ARHGAP15: variants seen among roughly 807,000 people sequenced by gnomAD.
The protein encoded by ARHGAP15 is Rho GTPase activating protein 15, also known as rho GTPase-activating protein 15.
A neutral mutation model predicts 63.7 loss-of-function variants in ARHGAP15; 51 were observed. That is an observed-to-expected ratio of 0.80 (90% CI 0.64 to 1.01). The LOEUF is 1.01. Among genes scored for constraint, ARHGAP15 ranks in the 50% least tolerant of loss-of-function variants. The pLI is 0.00. For synonymous variants in ARHGAP15, 191 were observed against 193.8 expected (o/e 0.99, Z 0.12); for missense variants, 560 against 564.6 (o/e 0.99, Z 0.08).
chr2:143,530,417 C>T (rs1694471859), intron 10 of ARHGAP15, among the ~76,000 whole-genome samples: 1 of 152,132 alleles, frequency 6.6e-6, no homozygotes, highest in Non-Finnish European at 1.5e-5. Context: ...AGAAACCAGT[C>T]TCTCAACAAA....
chr2:143,224,211 C>T (rs1295517753), intron 4 of ARHGAP15, among the ~76,000 whole-genome samples: 2 of 152,074 alleles, frequency 1.3e-5, no homozygotes, highest in African/African-American at 4.8e-5. Context: ...AAAAAATATC[C>T]TATATCAGAA....
intron 6 of ARHGAP15, among the ~76,000 whole-genome samples, chr2:143,277,358 A>G (rs1681610759): frequency 1.3e-5 from 2 of 152,110 alleles, no homozygotes; most frequent in African/African-American, 4.8e-5. Flanking sequence ...AAGGAATATG[A>G]GAAGGACAGA....
chr2:143,620,376 A>C (rs1337221211), intron 11 of ARHGAP15, among the ~76,000 whole-genome samples: 1 of 152,012 alleles, frequency 6.6e-6, no homozygotes, highest in Non-Finnish European at 1.5e-5. Context: ...TCTTATTACC[A>C]ATTTGTTTTG....
intron 12 of ARHGAP15, among the ~76,000 whole-genome samples, chr2:143,670,763 C>A (rs1340361435): frequency 6.6e-6 from 1 of 152,158 alleles, no homozygotes; most frequent in African/African-American, 2.4e-5. Flanking sequence ...GTTAAATTTA[C>A]AGGAAAACTG....
chr2:143,330,796 T>A (rs2105257415), intron 6 of ARHGAP15, among the ~76,000 whole-genome samples: 1 of 152,310 alleles, frequency 6.6e-6, no homozygotes, highest in African/African-American at 2.4e-5. Flanking sequence ...TTGGTAACTG[T>A]CAATGTCCCC....
rs567313971 is a variant in ARHGAP15 at position 143,362,711 on chromosome 2, A to C, written c.475-72890A>C. ...CTCTCTTGTTATTTCCTACCATAAT[A>C]AATGAACTACTCTAACTACTTGGTT... On this transcript the variant is annotated intron_variant, in intron 6 of 13. Transcript: ENST00000295095. Among the ~76,000 whole-genome samples, 20 of 152,322 alleles carry C rather than the reference A, an allele frequency of 1.3e-4. No individual in the cohort carries two copies. In the East Asian group the frequency reaches 3.9e-3, roughly 29 times the overall value.
intron 12 of ARHGAP15, among the ~76,000 whole-genome samples, chr2:143,672,774 A>G (rs1559118069): frequency 6.6e-6 from 1 of 152,186 alleles, no homozygotes; most frequent in Non-Finnish European, 1.5e-5. Flanking sequence ...TCCAAAGACA[A>G]TGGTAAAGCA....
chr2:143,613,155 T>C (rs1230332745), intron 11 of ARHGAP15, among the ~76,000 whole-genome samples: 1 of 89,316 alleles, frequency 1.1e-5, no homozygotes, highest in Non-Finnish European at 2.6e-5. Flanking sequence ...AAAAGGATCT[T>C]AAGTAAGTAA....
chr2:143,333,718 G>A (rs753967469), intron 6 of ARHGAP15, among the ~76,000 whole-genome samples: 8 of 152,152 alleles, frequency 5.3e-5, no homozygotes, highest in Non-Finnish European at 1.2e-4. Context: ...AAATAAGAGT[G>A]TTGCTTTGAA....
Position 143,734,095 on chromosome 2 carries a change from C to A in ARHGAP15, c.1244+30571C>A, listed in dbSNP as rs1574907843. Reference sequence around the variant, plus strand: ...CCAGTCTAGTCTAGCAGGTGAGGGCCTTCCCTACCTTGGTTTAGATGTGCA... The same window carrying A: ...CCAGTCTAGTCTAGCAGGTGAGGGCATTCCCTACCTTGGTTTAGATGTGCA... On this transcript the variant is annotated intron_variant, in intron 13 of 13. Coordinates refer to ENST00000295095, the MANE Select transcript of ARHGAP15 (RefSeq NM_018460.4). Among the ~76,000 whole-genome samples the A allele has an allele frequency of 2.0e-5, 3 of 152,172 alleles. No individual in the cohort carries two copies. In the South Asian group the frequency reaches 6.2e-4, roughly 31 times the overall value.
intron 10 of ARHGAP15, among the ~76,000 whole-genome samples, chr2:143,549,276 A>G (rs1695460608): frequency 6.6e-6 from 1 of 152,194 alleles, no homozygotes; most frequent in African/African-American, 2.4e-5. Context: ...CTTTCCTCAA[A>G]AAAATCCCAA....
At chr2:143,703,376 A>G in intron 12 of ARHGAP15, 43 bp from the exon 13 acceptor site, 1 of 1,551,000 alleles carries the variant, frequency 6.4e-7, no homozygotes, top group Non-Finnish European at 8.7e-7. Flanking sequence ...TACCTATGAA[A>G]TCTTGTTTTT....
At chr2:143,229,733 G>A (rs993676684) in intron 5 of ARHGAP15, among the ~76,000 whole-genome samples, 7 of 152,152 alleles carry the variant, frequency 4.6e-5, no homozygotes, top group African/African-American at 1.7e-4. Flanking sequence ...CCAGCCACTA[G>A]TTGTGTTTGC....
At chr2:143,262,559 T>TTTA (rs1240148899) in intron 6 of ARHGAP15, among the ~76,000 whole-genome samples, 1 of 132,530 alleles carries the variant, frequency 7.5e-6, no homozygotes, top group Admixed American at 7.4e-5. Context: ...TTTTTTTTTT[T>TTTA]ACTTTGTCAC....
intron 10 of ARHGAP15, among the ~76,000 whole-genome samples, chr2:143,522,840 G>A (rs1223856356): frequency 6.6e-6 from 1 of 152,146 alleles, no homozygotes; most frequent in Non-Finnish European, 1.5e-5. Flanking sequence ...TACAAGCAGT[G>A]AGAAGTTCAT....
At chr2:143,235,986 C>T (rs1387761228) in intron 5 of ARHGAP15, 1 of 1,543,708 alleles carries the variant, frequency 6.5e-7, no homozygotes, top group Non-Finnish European at 8.7e-7. Flanking sequence ...TGACCATGTT[C>T]ATGGGATTTG....
chr2:143,474,376 CATATT>C (rs758959114), intron 8 of ARHGAP15, among the ~76,000 whole-genome samples: 1 of 151,942 alleles, frequency 6.6e-6, no homozygotes, highest in Admixed American at 6.6e-5. Flanking sequence ...AATATATTTC[CATATT>C]ATATTCAAAA....
rs554579241 is a variant in ARHGAP15 at position 143,566,172 on chromosome 2, A to G, written c.1003+9687A>G. ...CAAATGCAGGGCTAAAGCAAGATTC[A>G]AACTAAGGTCTGAATGACTTAGAAC... On this transcript the variant is annotated intron_variant, in intron 11 of 13. Coordinates refer to ENST00000295095, the MANE Select transcript of ARHGAP15 (RefSeq NM_018460.4). Among the ~76,000 whole-genome samples the G allele has an allele frequency of 4.6e-5, 7 of 152,306 alleles. No homozygotes were observed. The South Asian group carries it at 1.5e-3, about 32-fold the overall frequency.
intron 12 of ARHGAP15, among the ~76,000 whole-genome samples, chr2:143,668,381 G>T (rs1166207787): frequency 1.8e-4 from 28 of 151,978 alleles, no homozygotes; most frequent in Admixed American, 1.8e-3. Context: ...TTGTTCATCT[G>T]TGTGTAGAAT....
Sources: allele counts gnomAD v4.1 joint callset (sites outside exome capture counted in the v4.1 genomes callset), GRCh38; gene constraint gnomAD v4.1.1; transcripts MANE v1.5; gene names NCBI Gene and HGNC (gene_info 2026-07-23, HGNC 2026-07-21).